The following POU2F2 variants were observed in gnomAD, a reference collection of about 807,000 sequenced individuals.
The protein encoded by POU2F2 is POU domain, class 2, transcription factor 2.
A neutral mutation model predicts 63.5 loss-of-function variants in POU2F2; 14 were observed. That is an observed-to-expected ratio of 0.22 (90% CI 0.15 to 0.34). The LOEUF (loss-of-function observed/expected upper bound fraction) is 0.34, where lower values mean the gene tolerates loss of function less well. Ranked by LOEUF, POU2F2 falls within the 10% of genes least tolerant of loss-of-function variation. The pLI, the probability that POU2F2 is intolerant of heterozygous loss-of-function variation, is 1.00. For missense variants in POU2F2, 607 were observed against 815.2 expected, an observed-to-expected ratio of 0.74 and a Z score of 3.11; for synonymous variants, 306 against 348.6, an observed-to-expected ratio of 0.88 and a Z score of 1.36.
At position 42,152,225 on chromosome 19, in the gene POU2F2, G is replaced by A. The variant is rs1303774601; in HGVS notation, c.-9+8107C>T. Among the ~76,000 whole-genome samples, 3 of 152,128 alleles carry A rather than the reference G, an allele frequency of 2.0e-5. No individual in the cohort carries two copies. The highest frequency in any genetic ancestry group is 4.4e-5 in the Non-Finnish European group (3 of 68,016). ...CCTCCAAAGAGACAGAAGGAAACAG[G>A]CAGATCTTCTGTGCTTAAATTCTCC... On this transcript the variant is annotated intron_variant, in intron 2 of 6. Coordinates refer to the POU2F2 transcript ENST00000524801. The surrounding 1 kb of genome is among the most constrained non-coding windows in gnomAD (Gnocchi z 4.1).
intron 5 of POU2F2, among the ~76,000 whole-genome samples, chr19:42,111,074 C>T (rs1387380912): frequency 6.6e-6 from 1 of 151,994 alleles, no homozygotes; most frequent in Non-Finnish European, 1.5e-5. Flanking sequence ...TGGCTGAGTC[C>T]TTCCTTCCTT....
intron 1 of POU2F2, among the ~76,000 whole-genome samples, chr19:42,127,590 C>T (rs1176201988): frequency 6.6e-6 from 1 of 151,988 alleles, no homozygotes; most frequent in African/African-American, 2.4e-5. Flanking sequence ...ACTGTGTTAG[C>T]CAGGATGGTC....
At position 42,090,184 on chromosome 19, in the gene POU2F2, G is replaced by A. The variant is rs1039071155; in HGVS notation, c.*1073C>T. 3.3e-5 allele frequency: 5 copies of A among 152,686 alleles called. No homozygotes were observed. Among genetic ancestry groups the A allele is most frequent in the East Asian group, 1.9e-4 (1 of 5,178 alleles). The allele number at this position is 152,686 out of a possible 1,614,324, so 9.5% of individuals were successfully genotyped here. Reference sequence around the variant, plus strand: ...TGTCAAAGAACGTGAAGGATCCCACGGATAGGCACTGGAATATGAATTTTT... The same window carrying A: ...TGTCAAAGAACGTGAAGGATCCCACAGATAGGCACTGGAATATGAATTTTT... On this transcript the variant is annotated 3_prime_UTR_variant, in exon 15 of 15. Transcript: ENST00000692977. The surrounding 1 kb of genome is among the most constrained non-coding windows in gnomAD (Gnocchi z 4.4).
At chr19:42,154,090 C>T (rs2034411200) in intron 2 of POU2F2, among the ~76,000 whole-genome samples, 1 of 151,036 alleles carries the variant, frequency 6.6e-6, no homozygotes, top group Non-Finnish European at 1.5e-5. Context: ...CCCCCAGCGC[C>T]ACCCGCTCCC....
At chr19:42,197,929 G>T (rs369668642), upstream of POU2F2, among the ~76,000 whole-genome samples, 4 of 152,052 alleles carry the variant, frequency 2.6e-5, no homozygotes, top group African/African-American at 9.7e-5. Flanking sequence ...TAATCCCAGC[G>T]CTTTGGGAGG....
rs2076628652 is a variant in POU2F2 at position 42,088,861 on chromosome 19, GC to G, written c.*2395del. On this transcript the variant is annotated 3_prime_UTR_variant, in exon 15 of 15. Transcript: ENST00000692977. ...TGGGAGGGGCGGCTACTTCACCACT[GC>G]CCGGACAAGGCACCCAGAGGCCCCT... 3 of 152,648 alleles carry G rather than the reference GC, an allele frequency of 2.0e-5. No individual in the cohort carries two copies. In the South Asian group the frequency reaches 6.2e-4, roughly 32 times the overall value. 9.5% of individuals were successfully genotyped at this position (152,648 alleles called of 1,614,324 possible). A position where few individuals can be genotyped will look rare whatever the true frequency, so the allele number is the denominator to read the frequency against.
In POU2F2 at chr19:42,091,315, G is replaced by A. The variant is rs564549915; in HGVS notation, c.1817C>T (p.Thr606Met). 5.1e-5 allele frequency: 79 copies of A among 1,534,670 alleles called. No homozygotes were observed. Among genetic ancestry groups the A allele is most frequent in the African/African-American group, 8.2e-5 (6 of 73,008 alleles). The change falls in exon 15 of 15, where the codon ACG becomes ATG. Residue 606 changes from threonine (T) to methionine (M), a missense_variant. Thr to Met is a moderately conservative substitution (Grantham distance 81, BLOSUM62 -1). Coordinates refer to ENST00000692977, the MANE Select transcript of POU2F2 (RefSeq NM_001394376.1). ...SSSSSSTCSE[T>M]AAQTPGGPGG... ...TGGACCTCCAGGGGTCTGTGCTGCC[G>A]TCTCGCTGCAAGTGGAGGAGGAGGA...
intron 1 of POU2F2, among the ~76,000 whole-genome samples, chr19:42,175,242 A>C (rs1456967563): frequency 6.6e-6 from 1 of 152,110 alleles, no homozygotes; most frequent in African/African-American, 2.4e-5. Context: ...CAGGGGACAG[A>C]CCCAAACCCC....
At position 42,092,596 on chromosome 19, in the gene POU2F2, G is replaced by A. The variant is rs1178347994; in HGVS notation, c.1265-326C>T. ...CCTATGGCTCCCTCTAGGGGCTGGG[G>A]AGGGGCGAAGGGTGCCAGGCACACT... On this transcript the variant is annotated intron_variant, in intron 12 of 14. Coordinates refer to ENST00000692977, the MANE Select transcript of POU2F2 (RefSeq NM_001394376.1). This position sits in a 1 kb window ranked among gnomAD's most constrained non-coding sequence, Gnocchi z 5.0. Among the ~76,000 whole-genome samples, 1 of 152,212 alleles carries A rather than the reference G, an allele frequency of 6.6e-6. No individual in the cohort carries two copies. Among genetic ancestry groups the A allele is most frequent in the Non-Finnish European group, 1.5e-5 (1 of 68,040 alleles).
Position 42,154,016 on chromosome 19 carries a change from T to C in POU2F2, c.-9+6316A>G, listed in dbSNP as rs1451352263. Among the ~76,000 whole-genome samples, 3 of 149,602 alleles carry C rather than the reference T, an allele frequency of 2.0e-5. No homozygotes were observed. In the East Asian group the frequency reaches 5.9e-4, roughly 29 times the overall value. ...CTTGGGCAGGCTGTACCTCTGCTCC[T>C]CAACACCCCTGCTTTGGTGGATGCC... On this transcript the variant is annotated intron_variant, in intron 2 of 6. Transcript: ENST00000524801.
chr19:42,110,732 C>A (rs1171958828), intron 5 of POU2F2: 1 of 456,174 alleles, frequency 2.2e-6, no homozygotes, highest in Non-Finnish European at 4.4e-6. Flanking sequence ...TCAGGTGACA[C>A]CACAATAAGT....
chr19:42,173,929 T>C (rs1361916072), intron 1 of POU2F2, among the ~76,000 whole-genome samples: 3 of 152,220 alleles, frequency 2.0e-5, no homozygotes, highest in Non-Finnish European at 2.9e-5. Context: ...ATGCTGCCTA[T>C]GGCCCTGATC....
intron 1 of POU2F2, among the ~76,000 whole-genome samples, chr19:42,184,953 A>G (rs570563960): frequency 6.6e-5 from 10 of 152,210 alleles, no homozygotes; most frequent in African/African-American, 2.4e-4. Flanking sequence ...TAATCATGTC[A>G]TCTTCTCTAC....
At chr19:42,159,639 A>T (rs2034518197) in intron 2 of POU2F2, among the ~76,000 whole-genome samples, 1 of 152,176 alleles carries the variant, frequency 6.6e-6, no homozygotes, top group Non-Finnish European at 1.5e-5. Context: ...CACAGAGGTG[A>T]GCAGCAGGAG....
In POU2F2 at chr19:42,139,123, C is replaced by A. The variant is rs368045975; in HGVS notation, c.-8-16547G>T. 2.7e-4 allele frequency among the ~76,000 whole-genome samples: 41 copies of A among 152,226 alleles called. 1 individual carries two copies. Among genetic ancestry groups the A allele is most frequent in the African/African-American group, 9.6e-4 (40 of 41,544 alleles). ...CCTGAGGTCAGGAGTTCAAGACCAGCCTGGCCAACATACAATAAAACCCCA... is the reference window on the plus strand; with the variant it reads ...CCTGAGGTCAGGAGTTCAAGACCAGACTGGCCAACATACAATAAAACCCCA... On this transcript the variant is annotated intron_variant, in intron 2 of 6. Coordinates refer to the POU2F2 transcript ENST00000524801.
intron 1 of POU2F2, among the ~76,000 whole-genome samples, chr19:42,184,228 G>A (rs1168573857): frequency 6.6e-6 from 1 of 152,108 alleles, no homozygotes; most frequent in Non-Finnish European, 1.5e-5. Flanking sequence ...CTCGGCTTAA[G>A]CGATCTACTG....
At chr19:42,164,737 G>A (rs917067641) in intron 1 of POU2F2, among the ~76,000 whole-genome samples, 1 of 151,940 alleles carries the variant, frequency 6.6e-6, no homozygotes, top group Non-Finnish European at 1.5e-5. Context: ...CGAGGTGGGC[G>A]GATCCCTTGA....
chr19:42,106,793 GGAGGAGGAGGAA>G (rs1042596549), intron 5 of POU2F2, among the ~76,000 whole-genome samples: 2 of 147,946 alleles, frequency 1.4e-5, no homozygotes, highest in African/African-American at 2.5e-5. Flanking sequence ...AGGAAGAGGA[GGAGGAGGAGGAA>G]GAGGAGGAGG....
At chr19:42,188,683 AAAAG>A (rs1028602203) in intron 1 of POU2F2, among the ~76,000 whole-genome samples, 1 of 148,878 alleles carries the variant, frequency 6.7e-6, no homozygotes, top group Non-Finnish European at 1.5e-5. Context: ...AAAAAAAAAA[AAAAG>A]AAAGAAAGTG....
Sources: allele counts gnomAD v4.1 joint callset (sites outside exome capture counted in the v4.1 genomes callset), GRCh38; gene constraint gnomAD v4.1.1; non-coding constraint Gnocchi (gnomAD v3.1); transcripts MANE v1.5; gene names NCBI Gene and HGNC (gene_info 2026-07-23, HGNC 2026-07-21).